HDHD2: variants seen among roughly 807,000 people sequenced by gnomAD.
HDHD2 encodes haloacid dehalogenase like hydrolase domain containing 2, also known as haloacid dehalogenase-like hydrolase domain-containing protein 2.
Under a neutral mutation model 24.8 loss-of-function variants are expected in HDHD2, and 26 were observed. That is an observed-to-expected ratio of 1.05 (90% CI 0.77 to 1.45). The LOEUF is 1.45. Ranked by LOEUF, HDHD2 falls within the 40% of genes most tolerant of loss-of-function variation. The probability of loss-of-function intolerance (pLI) is 0.00; values close to 1 mark genes in which losing one functional copy is unlikely to be tolerated. For missense variants in HDHD2, 299 were observed against 313.4 expected, an observed-to-expected ratio of 0.95 and a Z score of 0.35; for synonymous variants, 128 against 114.9, an observed-to-expected ratio of 1.11 and a Z score of -0.73.
At position 47,108,649 on chromosome 18, in the gene HDHD2, G is replaced by C; in HGVS notation, c.*33C>G. The C allele has an allele frequency of 8.8e-7, 1 of 1,140,098 alleles. No individual in the cohort carries two copies. The highest frequency in any genetic ancestry group is 1.3e-5 in the South Asian group (1 of 76,894). The allele number at this position is 1,140,098 out of a possible 1,614,324, so 70.6% of individuals were successfully genotyped here. On this transcript the variant is annotated 3_prime_UTR_variant, in exon 7 of 7. Transcript: ENST00000300605. ...GATTCATTCCAGACAATAAGAAGCT[G>C]CATTTCAAGTTGCTTCAGATGCACA...
At chr18:47,144,955 T>C (rs1242513855) in intron 1 of HDHD2, among the ~76,000 whole-genome samples, 9 of 152,188 alleles carry the variant, frequency 5.9e-5, no homozygotes, top group Non-Finnish European at 1.3e-4. Flanking sequence ...CTATAAGGGC[T>C]TCTTATTCTT....
At chr18:47,121,105 T>C (rs1399628818) in intron 4 of HDHD2, among the ~76,000 whole-genome samples, 1 of 150,684 alleles carries the variant, frequency 6.6e-6, no homozygotes, top group East Asian at 1.9e-4. Flanking sequence ...AATCAGTTTG[T>C]TAAAAAAAAA....
rs1428844886 is a variant in HDHD2 at position 47,107,673 on chromosome 18, GA to G, written c.*1008del. 1 of 152,438 alleles carries G rather than the reference GA, an allele frequency of 6.6e-6. No homozygotes were observed. Among genetic ancestry groups the G allele is most frequent in the East Asian group, 1.9e-4 (1 of 5,194 alleles). 9.4% of individuals were successfully genotyped at this position (152,438 alleles called of 1,614,324 possible). A position where few individuals can be genotyped will look rare whatever the true frequency, so the allele number is the denominator to read the frequency against. On this transcript the variant is annotated 3_prime_UTR_variant, in exon 7 of 7. Transcript: ENST00000300605. Reference sequence around the variant, plus strand: ...CTTTATTTTGGTGGGTTTAACATGAGAAGAATAATCCATGCTACAAGACGAG... The same window carrying G: ...CTTTATTTTGGTGGGTTTAACATGAGAGAATAATCCATGCTACAAGACGAG...
At chr18:47,130,947 C>T (rs569605231) in intron 3 of HDHD2, among the ~76,000 whole-genome samples, 1 of 152,126 alleles carries the variant, frequency 6.6e-6, no homozygotes, top group African/African-American at 2.4e-5. Flanking sequence ...GACAATCAAA[C>T]GAGTACATTC....
At chr18:47,131,069 C>G (rs1016405179) in intron 3 of HDHD2, among the ~76,000 whole-genome samples, 3 of 152,104 alleles carry the variant, frequency 2.0e-5, no homozygotes, top group Non-Finnish European at 4.4e-5. Flanking sequence ...CTCCGCCTCC[C>G]AGGTTCAAGC....
intron 4 of HDHD2, among the ~76,000 whole-genome samples, chr18:47,119,103 G>T (rs931673289): frequency 1.3e-5 from 2 of 152,216 alleles, no homozygotes; most frequent in African/African-American, 4.8e-5. Context: ...AGCCTTCAGG[G>T]AGTCATAATC....
At chr18:47,135,815 A>G (rs774554345) in intron 2 of HDHD2, among the ~76,000 whole-genome samples, 1 of 152,166 alleles carries the variant, frequency 6.6e-6, no homozygotes, top group Non-Finnish European at 1.5e-5. Flanking sequence ...ACTTCTGTTT[A>G]GTATTGTGGT....
At chr18:47,146,238 A>C (rs1447148402) in intron 1 of HDHD2, among the ~76,000 whole-genome samples, 1 of 152,024 alleles carries the variant, frequency 6.6e-6, no homozygotes, top group Non-Finnish European at 1.5e-5. Context: ...TCAAAAAAAA[A>C]AAAAAAAAAA....
At chr18:47,108,855 A>T in intron 6 of HDHD2, 70 bp from the exon 7 acceptor site, 2 of 876,808 alleles carry the variant, frequency 2.3e-6, no homozygotes, top group Non-Finnish European at 3.8e-6. Context: ...CCCCATGAGC[A>T]CCTGGGTCAT....
intron 1 of HDHD2, among the ~76,000 whole-genome samples, chr18:47,140,309 T>A (rs2063808011): frequency 6.6e-6 from 1 of 152,224 alleles, no homozygotes; most frequent in South Asian, 2.1e-4. Context: ...TATATTGCCA[T>A]CCTATCCATC....
At chr18:47,126,576 CA>C (rs2063660180) in intron 4 of HDHD2, among the ~76,000 whole-genome samples, 1 of 152,092 alleles carries the variant, frequency 6.6e-6, no homozygotes, top group Non-Finnish European at 1.5e-5. Flanking sequence ...AACAAAACTT[CA>C]AATACATTAT....
chr18:47,130,551 T>C (rs967981815), intron 3 of HDHD2, among the ~76,000 whole-genome samples: 1 of 152,148 alleles, frequency 6.6e-6, no homozygotes, highest in African/African-American at 2.4e-5. Context: ...AAATCTAATA[T>C]TTTTCCATAT....
intron 4 of HDHD2, among the ~76,000 whole-genome samples, chr18:47,129,615 A>G (rs1240927290): frequency 2.0e-5 from 3 of 152,002 alleles, no homozygotes; most frequent in African/African-American, 7.2e-5. Context: ...CCACTCATCA[A>G]ATAATTTATT....
intron 4 of HDHD2, among the ~76,000 whole-genome samples, chr18:47,119,162 T>C (rs1362495986): frequency 6.6e-6 from 1 of 152,210 alleles, no homozygotes; most frequent in Admixed American, 6.5e-5. Flanking sequence ...TGCTGACGGA[T>C]CAGGGTGGTA....
At chr18:47,110,163 A>T (rs2063504008) in intron 6 of HDHD2, 2 of 985,284 alleles carry the variant, frequency 2.0e-6, no homozygotes, top group Non-Finnish European at 2.4e-6. Context: ...CAACTACTTT[A>T]AGAGGCTTTG....
intron 4 of HDHD2, among the ~76,000 whole-genome samples, chr18:47,118,393 A>T (rs998556275): frequency 1.2e-4 from 18 of 152,242 alleles, no homozygotes; most frequent in Non-Finnish European, 2.1e-4. Context: ...AATGTGGTAC[A>T]CATACACCAT....
intron 3 of HDHD2, among the ~76,000 whole-genome samples, chr18:47,131,002 G>C (rs2063708601): frequency 6.6e-6 from 1 of 152,136 alleles, no homozygotes; most frequent in Admixed American, 6.5e-5. Flanking sequence ...TTGAGACGGA[G>C]TTTTGCTCTT....
chr18:47,117,914 C>G (rs2063570579), intron 4 of HDHD2, among the ~76,000 whole-genome samples: 1 of 151,874 alleles, frequency 6.6e-6, no homozygotes, highest in African/African-American at 2.4e-5. Flanking sequence ...CATAGACATG[C>G]CTGTATTTGG....
intron 4 of HDHD2, among the ~76,000 whole-genome samples, chr18:47,125,508 GAATA>G (rs2063650096): frequency 6.6e-6 from 1 of 152,062 alleles, no homozygotes; most frequent in African/African-American, 2.4e-5. Context: ...ACAGCAGAAT[GAATA>G]AATAAATTGT....
Sources: gnomAD v4.1 joint callset for allele counts (sites outside exome capture counted in the v4.1 genomes callset) on GRCh38, gnomAD v4.1.1 for gene constraint, MANE v1.5 for transcripts, NCBI Gene and HGNC (gene_info 2026-07-23, HGNC 2026-07-21) for gene names.